Variants in CDH13 observed in about 807,000 individuals in gnomAD.
CDH13 encodes cadherin 13.
CDH13 carries 24 observed loss-of-function variants against 63.8 expected under a neutral mutation model. The ratio of observed to expected loss-of-function variants is 0.38; its 90% CI spans 0.27 to 0.53. CDH13 has a LOEUF of 0.53. Ranked by LOEUF, CDH13 falls within the 20% of genes least tolerant of loss-of-function variation. The pLI is 0.85. For synonymous variants in CDH13, 503 were observed against 355.3 expected (o/e 1.42, Z -4.67); for missense variants, 1,049 against 903.1 (o/e 1.16, Z -2.07).
intron 2 of CDH13, among the ~76,000 whole-genome samples, chr16:82,889,771 C>G (rs148252698): frequency 1.6e-4 from 25 of 152,224 alleles, no homozygotes; most frequent in African/African-American, 5.5e-4. Context: ...AAAAATAGTT[C>G]CATTTGAAAG....
chr16:83,116,494 C>T (rs1432966730), intron 3 of CDH13, among the ~76,000 whole-genome samples: 2 of 152,184 alleles, frequency 1.3e-5, no homozygotes, highest in Non-Finnish European at 2.9e-5. Flanking sequence ...GCTGCAGCCC[C>T]TTCTGTTTAG....
chr16:83,749,423 T>A (rs1912892234), intron 11 of CDH13, among the ~76,000 whole-genome samples: 1 of 151,758 alleles, frequency 6.6e-6, no homozygotes, highest in Admixed American at 6.6e-5. Flanking sequence ...TACCCAGAAA[T>A]CCAAGGCAGA....
chr16:83,287,963 A>G (rs933675282), intron 5 of CDH13, among the ~76,000 whole-genome samples: 5 of 152,282 alleles, frequency 3.3e-5, no homozygotes, highest in African/African-American at 1.2e-4. Flanking sequence ...TGAGCAAAAT[A>G]TGAACATGTT....
At chr16:83,688,956 C>T (rs1006184469) in intron 10 of CDH13, among the ~76,000 whole-genome samples, 1 of 152,080 alleles carries the variant, frequency 6.6e-6, no homozygotes, top group African/African-American at 2.4e-5. Context: ...TTATAATGAT[C>T]CAGAGACTGA....
At chr16:82,708,307 T>C (rs1057122067) in intron 1 of CDH13, among the ~76,000 whole-genome samples, 3 of 152,092 alleles carry the variant, frequency 2.0e-5, no homozygotes, top group Non-Finnish European at 4.4e-5. Flanking sequence ...GAGGAGAGAA[T>C]GGGTTTTAGT....
intron 10 of CDH13, among the ~76,000 whole-genome samples, chr16:83,687,519 G>C (rs1464422630): frequency 6.6e-6 from 1 of 152,190 alleles, no homozygotes; most frequent in Non-Finnish European, 1.5e-5. Flanking sequence ...AGGAGGGATT[G>C]CGTTAACTCC....
chr16:82,785,331 T>C (rs2035954934), intron 1 of CDH13, among the ~76,000 whole-genome samples: 2 of 152,174 alleles, frequency 1.3e-5, no homozygotes, highest in Non-Finnish European at 2.9e-5. Context: ...AACTGGTTTA[T>C]CCTTTTCCTC....
At chr16:83,336,843 T>A (rs2090609057) in intron 5 of CDH13, among the ~76,000 whole-genome samples, 1 of 152,240 alleles carries the variant, frequency 6.6e-6, no homozygotes, top group Non-Finnish European at 1.5e-5. Context: ...GGTCATCTCA[T>A]ATTACAAAAA....
chr16:82,979,282 C>G (rs904265494), intron 2 of CDH13, among the ~76,000 whole-genome samples: 2 of 152,108 alleles, frequency 1.3e-5, no homozygotes, highest in South Asian at 2.1e-4. Flanking sequence ...TAATGCTGGA[C>G]TGAGTTATGA....
At chr16:83,122,691 T>A (rs1366242230) in intron 3 of CDH13, among the ~76,000 whole-genome samples, 15 of 152,224 alleles carry the variant, frequency 9.9e-5, no homozygotes, top group Admixed American at 1.3e-4. Flanking sequence ...TTTTTATTTT[T>A]AAAATTTTTT....
chr16:82,711,065 T>C (rs908956377), intron 1 of CDH13, among the ~76,000 whole-genome samples: 1 of 152,000 alleles, frequency 6.6e-6, no homozygotes, highest in Non-Finnish European at 1.5e-5. Context: ...GGCCAGTCAT[T>C]TGCCCGGACC....
At chr16:83,227,769 C>A (rs959851542) in intron 5 of CDH13, among the ~76,000 whole-genome samples, 1 of 152,148 alleles carries the variant, frequency 6.6e-6, no homozygotes, top group Non-Finnish European at 1.5e-5. Context: ...CCAGCGTCCA[C>A]GCCAGGCAGT....
intron 6 of CDH13, among the ~76,000 whole-genome samples, chr16:83,486,252 G>A (rs548747080): frequency 1.3e-5 from 2 of 152,270 alleles, no homozygotes; most frequent in South Asian, 4.1e-4. Flanking sequence ...CTGCTGAACA[G>A]CAAAGATGTT....
intron 4 of CDH13, among the ~76,000 whole-genome samples, chr16:83,215,993 C>T (rs1051896211): frequency 6.6e-6 from 1 of 150,846 alleles, no homozygotes; most frequent in East Asian, 2.0e-4. Context: ...GACCACCCCC[C>T]ATACTTTGAC....
At chr16:83,529,667 G>A (rs1165763603) in intron 7 of CDH13, among the ~76,000 whole-genome samples, 1 of 152,042 alleles carries the variant, frequency 6.6e-6, no homozygotes, top group Non-Finnish European at 1.5e-5. Flanking sequence ...ACTGTTTTCT[G>A]AGTAATATAA....
chr16:83,690,450 GA>G (rs1904742083), intron 10 of CDH13, among the ~76,000 whole-genome samples: 1 of 152,172 alleles, frequency 6.6e-6, no homozygotes, highest in Non-Finnish European at 1.5e-5. Flanking sequence ...AAGCAAGTGG[GA>G]AGGCCCCGAG....
intron 1 of CDH13, among the ~76,000 whole-genome samples, chr16:82,692,121 A>C (rs13336758): frequency 3.9e-5 from 6 of 152,172 alleles, no homozygotes; most frequent in Non-Finnish European, 7.3e-5. Flanking sequence ...GTGGACAGCA[A>C]AGTTATACTG....
chr16:83,119,962 T>C (rs2035489337), intron 3 of CDH13, among the ~76,000 whole-genome samples: 1 of 152,140 alleles, frequency 6.6e-6, no homozygotes, highest in Non-Finnish European at 1.5e-5. Context: ...CGCAGAGCCA[T>C]GGATAAATAT....
At chr16:82,999,195 C>G (rs1413071161) in intron 2 of CDH13, among the ~76,000 whole-genome samples, 1 of 152,114 alleles carries the variant, frequency 6.6e-6, no homozygotes, top group East Asian at 1.9e-4. Flanking sequence ...CCTCTTTTCT[C>G]TTTCAACTTC....
Sources: allele counts gnomAD v4.1 joint callset (sites outside exome capture counted in the v4.1 genomes callset), GRCh38; gene constraint gnomAD v4.1.1; transcripts MANE v1.5; gene names NCBI Gene and HGNC (gene_info 2026-07-23, HGNC 2026-07-21).